SAMSN1: variants seen among roughly 807,000 people sequenced by gnomAD.
The protein encoded by SAMSN1 is SAM domain, SH3 domain and nuclear localization signals 1.
Under a neutral mutation model 42.0 loss-of-function variants are expected in SAMSN1, and 31 were observed. The ratio of observed to expected loss-of-function variants is 0.74; its 90% CI spans 0.55 to 1.00. The LOEUF (loss-of-function observed/expected upper bound fraction) is 1.00, where lower values mean the gene tolerates loss of function less well. Ranked by LOEUF, SAMSN1 falls within the 50% of genes least tolerant of loss-of-function variation. The pLI is 0.00. For missense variants in SAMSN1, 464 were observed against 439.4 expected, an observed-to-expected ratio of 1.06 and a Z score of -0.50; for synonymous variants, 178 against 151.9, an observed-to-expected ratio of 1.17 and a Z score of -1.26.
intron 2 of SAMSN1, among the ~76,000 whole-genome samples, chr21:14,640,859 T>A (rs1441427887): frequency 6.6e-6 from 1 of 152,106 alleles, no homozygotes; most frequent in Non-Finnish European, 1.5e-5. Flanking sequence ...TTTAATTAAA[T>A]GCTGAGAAAT....
intron 2 of SAMSN1, among the ~76,000 whole-genome samples, chr21:14,570,604 C>CT (rs1981269120): frequency 6.6e-6 from 1 of 152,194 alleles, no homozygotes; most frequent in African/African-American, 2.4e-5. Context: ...CAAGAGATGA[C>CT]TTTTGAAACT....
At chr21:14,516,340 A>G (rs1313829584) in intron 3 of SAMSN1, among the ~76,000 whole-genome samples, 1 of 152,200 alleles carries the variant, frequency 6.6e-6, no homozygotes, top group Non-Finnish European at 1.5e-5. Flanking sequence ...TAAATTAATG[A>G]CATGTTGTTC....
exon 2 of SAMSN1, chr21:14,582,480 C>T (rs976975428): frequency 1.3e-5 from 15 of 1,119,872 alleles, no homozygotes; most frequent in Admixed American, 4.4e-5. Flanking sequence ...AACGTGTCAT[C>T]TTCATCTTCT....
intron 3 of SAMSN1, among the ~76,000 whole-genome samples, chr21:14,514,765 G>A (rs1189753018): frequency 6.6e-6 from 1 of 152,134 alleles, no homozygotes; most frequent in East Asian, 1.9e-4. Context: ...TTGTAAAAGT[G>A]TAGAGAATAA....
At chr21:14,501,104 C>A (rs1469876680) in intron 5 of SAMSN1, among the ~76,000 whole-genome samples, 1 of 152,076 alleles carries the variant, frequency 6.6e-6, no homozygotes, top group African/African-American at 2.4e-5. Flanking sequence ...AATCATGTCA[C>A]TGCACTCCAG....
At chr21:14,607,265 C>T (rs949605945) in intron 5 of SAMSN1, among the ~76,000 whole-genome samples, 1 of 152,132 alleles carries the variant, frequency 6.6e-6, no homozygotes, top group Non-Finnish European at 1.5e-5. Flanking sequence ...CAATTAACAG[C>T]TAAAAAGGAG....
intron 4 of SAMSN1, among the ~76,000 whole-genome samples, chr21:14,609,886 C>T (rs757698591): frequency 1.3e-5 from 2 of 152,182 alleles, no homozygotes; most frequent in Non-Finnish European, 2.9e-5. Flanking sequence ...ATTTCATAGA[C>T]ACTTATCACT....
intron 5 of SAMSN1, among the ~76,000 whole-genome samples, chr21:14,508,749 T>G (rs1435253389): frequency 3.3e-5 from 5 of 152,186 alleles, no homozygotes; most frequent in Non-Finnish European, 5.9e-5. Context: ...AAAAAGATAC[T>G]TGCACACACG....
At chr21:14,502,028 C>A (rs555924890) in intron 5 of SAMSN1, among the ~76,000 whole-genome samples, 5 of 152,306 alleles carry the variant, frequency 3.3e-5, no homozygotes, top group African/African-American at 1.2e-4. Flanking sequence ...AAACTTTCTG[C>A]CCCAGAGAGG....
intron 1 of SAMSN1, among the ~76,000 whole-genome samples, chr21:14,657,508 A>G (rs1012449115): frequency 6.6e-6 from 1 of 151,872 alleles, no homozygotes; most frequent in Non-Finnish European, 1.5e-5. Context: ...GCCACGCTGA[A>G]CCATGCTATG....
chr21:14,619,873 G>C (rs1227518389), intron 2 of SAMSN1, among the ~76,000 whole-genome samples: 2 of 152,106 alleles, frequency 1.3e-5, no homozygotes, highest in Non-Finnish European at 2.9e-5. Flanking sequence ...AGAAAGGCCT[G>C]TTTGTTCAGC....
At chr21:14,625,792 T>G (rs1352391951) in intron 2 of SAMSN1, among the ~76,000 whole-genome samples, 1 of 152,166 alleles carries the variant, frequency 6.6e-6, no homozygotes, top group African/African-American at 2.4e-5. Flanking sequence ...AAAGTTCATA[T>G]GGAACCAAAC....
chr21:14,610,507 T>G (rs1373867814), intron 4 of SAMSN1, among the ~76,000 whole-genome samples: 2 of 152,200 alleles, frequency 1.3e-5, no homozygotes, highest in Non-Finnish European at 2.9e-5. Context: ...TTGTCGCCCT[T>G]GAAGCATGTG....
chr21:14,632,960 C>G (rs1983370703), intron 2 of SAMSN1, among the ~76,000 whole-genome samples: 3 of 152,154 alleles, frequency 2.0e-5, no homozygotes, highest in Admixed American at 1.3e-4. Flanking sequence ...AAGAAGGCAA[C>G]AGAGGCAGTC....
intron 2 of SAMSN1, among the ~76,000 whole-genome samples, chr21:14,576,193 G>A (rs1049641273): frequency 2.0e-5 from 3 of 152,160 alleles, no homozygotes; most frequent in Admixed American, 6.5e-5. Flanking sequence ...AGGGGAGCAG[G>A]GACATTATTA....
intron 2 of SAMSN1, chr21:14,642,975 A>G: frequency 1.4e-6 from 1 of 714,518 alleles, no homozygotes; most frequent in Non-Finnish European, 2.6e-6. Context: ...AGAAAAAAAA[A>G]TCCACTCCAG....
At chr21:14,525,026 A>G (rs960980369) in intron 1 of SAMSN1, among the ~76,000 whole-genome samples, 1 of 152,026 alleles carries the variant, frequency 6.6e-6, no homozygotes, top group African/African-American at 2.4e-5. Flanking sequence ...TATTTCATCA[A>G]CTAAATAGTT....
chr21:14,502,959 T>A (rs113972103), intron 5 of SAMSN1, among the ~76,000 whole-genome samples: 108 of 152,330 alleles, frequency 7.1e-4, no homozygotes, highest in African/African-American at 2.6e-3. Context: ...CTTTATGCCC[T>A]TTGACTTTTA....
chr21:14,554,431 A>AAT (rs1478189814), intron 2 of SAMSN1, among the ~76,000 whole-genome samples: 1 of 152,170 alleles, frequency 6.6e-6, no homozygotes, highest in African/African-American at 2.4e-5. Context: ...AAATACTTGG[A>AAT]ATATATTCCA....
Sources: gnomAD v4.1 joint callset for allele counts (sites outside exome capture counted in the v4.1 genomes callset) on GRCh38, gnomAD v4.1.1 for gene constraint, MANE v1.5 for transcripts, NCBI Gene and HGNC (gene_info 2026-07-23, HGNC 2026-07-21) for gene names.